Variants in STK3 observed in about 807,000 individuals in gnomAD.
The protein encoded by STK3 is serine/threonine-protein kinase 3.
A neutral mutation model predicts 58.0 loss-of-function variants in STK3; 41 were observed. That is an observed-to-expected ratio of 0.71 (90% CI 0.55 to 0.92). The LOEUF (loss-of-function observed/expected upper bound fraction) is 0.92. Among genes scored for constraint, STK3 ranks in the 40% least tolerant of loss-of-function variants. The probability of loss-of-function intolerance (pLI) is 0.00; values close to 1 mark genes in which losing one functional copy is unlikely to be tolerated. For synonymous variants in STK3, 170 were observed against 191.0 expected, an observed-to-expected ratio of 0.89 and a Z score of 0.91; for missense variants, 479 against 602.7, an observed-to-expected ratio of 0.79 and a Z score of 2.15.
intron 3 of STK3, among the ~76,000 whole-genome samples, chr8:98,872,694 A>T (rs1419737668): frequency 6.6e-6 from 1 of 152,106 alleles, no homozygotes. Flanking sequence ...TATCCTCTTT[A>T]ACATTTTTTA....
At chr8:98,611,695 C>T (rs1455903685) in intron 6 of STK3, among the ~76,000 whole-genome samples, 1 of 152,166 alleles carries the variant, frequency 6.6e-6, no homozygotes, top group African/African-American at 2.4e-5. Context: ...TTAACACTGG[C>T]TACATATTAG....
At chr8:98,703,157 T>C (rs900743095) in intron 6 of STK3, among the ~76,000 whole-genome samples, 3 of 152,182 alleles carry the variant, frequency 2.0e-5, no homozygotes, top group Non-Finnish European at 4.4e-5. Flanking sequence ...AATTATAATA[T>C]TGTGATTACA....
chr8:98,362,955 C>A, the STK3 span, among the ~76,000 whole-genome samples: 1 of 152,166 alleles, frequency 6.6e-6, no homozygotes, highest in Non-Finnish European at 1.5e-5. Context: ...AGTTAGTGAT[C>A]TGTTTCTAAA....
At chr8:98,830,892 C>T (rs1835505844) in intron 3 of STK3, among the ~76,000 whole-genome samples, 1 of 151,284 alleles carries the variant, frequency 6.6e-6, no homozygotes, top group South Asian at 2.1e-4. Context: ...ATGGCGTGAA[C>T]CCGGGAGGCG....
intron 1 of STK3, among the ~76,000 whole-genome samples, chr8:98,903,356 A>G (rs1214358176): frequency 1.3e-5 from 2 of 152,132 alleles, no homozygotes; most frequent in East Asian, 1.9e-4. Flanking sequence ...AACTTTTAGC[A>G]ATGGGGATGA....
intron 4 of STK3, among the ~76,000 whole-genome samples, chr8:98,731,404 A>G (rs1303134417): frequency 6.6e-6 from 1 of 152,138 alleles, no homozygotes; most frequent in Non-Finnish European, 1.5e-5. Flanking sequence ...ATCAAAAAAA[A>G]GGGGAAAGGG....
intron 1 of STK3, among the ~76,000 whole-genome samples, chr8:98,818,876 G>A (rs1288757611): frequency 4.0e-5 from 6 of 151,794 alleles, no homozygotes; most frequent in East Asian, 3.9e-4. Flanking sequence ...GCTGGAGTTC[G>A]GTGGCGCAAT....
intron 6 of STK3, among the ~76,000 whole-genome samples, chr8:98,692,920 A>T (rs574800535): frequency 1.3e-5 from 2 of 152,206 alleles, no homozygotes; most frequent in African/African-American, 4.8e-5. Flanking sequence ...TCCACATCCT[A>T]ATCTCTGAAA....
chr8:98,552,406 G>T (rs2044168998), intron 8 of STK3, among the ~76,000 whole-genome samples: 1 of 151,980 alleles, frequency 6.6e-6, no homozygotes. Context: ...ATGTGATCTG[G>T]CCTATCCCAT....
intron 8 of STK3, among the ~76,000 whole-genome samples, chr8:98,555,027 A>C (rs1811488790): frequency 6.6e-6 from 1 of 152,152 alleles, no homozygotes; most frequent in South Asian, 2.1e-4. Flanking sequence ...AATTCCAGTA[A>C]GGAATACAAT....
intron 1 of STK3, among the ~76,000 whole-genome samples, chr8:98,917,592 G>T (rs1839390903): frequency 2.0e-5 from 3 of 152,144 alleles, no homozygotes; most frequent in African/African-American, 7.2e-5. Context: ...GAGGACATGG[G>T]AAGGACCAGA....
intron 7 of STK3, among the ~76,000 whole-genome samples, chr8:98,588,315 A>C (rs1448415099): frequency 1.3e-5 from 2 of 151,592 alleles, no homozygotes; most frequent in Non-Finnish European, 2.9e-5. Context: ...ATCTCTCAGC[A>C]TTTGCTTGTC....
At chr8:98,736,507 A>G (rs1304336542) in intron 4 of STK3, among the ~76,000 whole-genome samples, 1 of 152,220 alleles carries the variant, frequency 6.6e-6, no homozygotes, top group Non-Finnish European at 1.5e-5. Flanking sequence ...ACATCAGGCT[A>G]AAAAATTTGA....
At chr8:98,910,202 T>C (rs1178880704) in intron 1 of STK3, among the ~76,000 whole-genome samples, 1 of 152,246 alleles carries the variant, frequency 6.6e-6, no homozygotes, top group Non-Finnish European at 1.5e-5. Flanking sequence ...TTGTCTTTTT[T>C]ATTGAGTTGT....
At chr8:98,360,900 G>A in the STK3 span, among the ~76,000 whole-genome samples, 3 of 152,254 alleles carry the variant, frequency 2.0e-5, no homozygotes, top group South Asian at 6.2e-4. Context: ...AACAAATAAA[G>A]ATCATGGATT....
intron 1 of STK3, among the ~76,000 whole-genome samples, chr8:98,777,497 T>G (rs1831777786): frequency 6.6e-6 from 1 of 152,064 alleles, no homozygotes; most frequent in African/African-American, 2.4e-5. Flanking sequence ...GTGGCAGAGT[T>G]AGACCCTATC....
intron 1 of STK3, among the ~76,000 whole-genome samples, chr8:98,890,285 T>C (rs879298263): frequency 2.0e-5 from 3 of 152,204 alleles, no homozygotes; most frequent in Admixed American, 6.5e-5. Context: ...TTCTGCCTTT[T>C]CTCTGCATTG....
chr8:98,740,155 G>A (rs1829061955), intron 4 of STK3, among the ~76,000 whole-genome samples: 1 of 152,132 alleles, frequency 6.6e-6, no homozygotes, highest in Non-Finnish European at 1.5e-5. Flanking sequence ...ATGGAACCAA[G>A]TTGGAAAACA....
intron 4 of STK3, among the ~76,000 whole-genome samples, chr8:98,715,922 C>T (rs554343481): frequency 1.8e-4 from 27 of 152,134 alleles, no homozygotes; most frequent in South Asian, 6.2e-4. Context: ...GAAAATGTGG[C>T]GCATATACAC....
Sources: allele counts gnomAD v4.1 joint callset (sites outside exome capture counted in the v4.1 genomes callset), GRCh38; gene constraint gnomAD v4.1.1; transcripts MANE v1.5; gene names NCBI Gene and HGNC (gene_info 2026-07-23, HGNC 2026-07-21).